Variants in EXT1 observed in about 807,000 individuals in gnomAD.
EXT1 encodes the protein exostosin glycosyltransferase 1, also known as exostosin-1.
A neutral mutation model predicts 82.5 loss-of-function variants in EXT1; 20 were observed. That is an observed-to-expected ratio of 0.24 (90% confidence interval 0.17 to 0.35). The LOEUF is 0.35. EXT1 is among the 10% of genes least tolerant of loss of function. The pLI, the probability that EXT1 is intolerant of heterozygous loss-of-function variation, is 1.00. For missense variants in EXT1, 757 were observed against 936.5 expected (o/e 0.81, Z 2.50); for synonymous variants, 348 against 350.8 (o/e 0.99, Z 0.09).
intron 1 of EXT1, among the ~76,000 whole-genome samples, chr8:117,953,757 C>T (rs1455205849): frequency 1.3e-5 from 2 of 151,762 alleles, no homozygotes; most frequent in African/African-American, 2.4e-5. Context: ...AATAATAATA[C>T]ATACAATGTA....
chr8:118,033,710 G>A (rs1363435796), intron 1 of EXT1, among the ~76,000 whole-genome samples: 1 of 152,134 alleles, frequency 6.6e-6, no homozygotes, highest in Non-Finnish European at 1.5e-5. Context: ...CAACTCCTGG[G>A]CTCAAGCAAT....
At chr8:117,980,692 T>G (rs2514724) in intron 1 of EXT1, among the ~76,000 whole-genome samples, 10 of 24,812 alleles carry the variant, frequency 4.0e-4, no homozygotes, top group East Asian at 7.5e-4. Context: ...TGTTCGGGTG[T>G]TGGTGGTTTT....
chr8:117,858,229 C>T (rs1425517591), intron 1 of EXT1, among the ~76,000 whole-genome samples: 4 of 152,336 alleles, frequency 2.6e-5, no homozygotes, highest in Admixed American at 6.5e-5. Flanking sequence ...AGAGGATTGA[C>T]TCCAACTTTG....
At chr8:118,043,041 T>C (rs1268579478) in intron 1 of EXT1, among the ~76,000 whole-genome samples, 1 of 152,226 alleles carries the variant, frequency 6.6e-6, no homozygotes, top group Non-Finnish European at 1.5e-5. Context: ...GCGTGCTCTA[T>C]GGGACTTCCA....
intron 1 of EXT1, among the ~76,000 whole-genome samples, chr8:118,077,290 T>C (rs764839265): frequency 1.3e-4 from 20 of 152,216 alleles, no homozygotes; most frequent in Non-Finnish European, 1.2e-4. Flanking sequence ...GCCTTCTTCC[T>C]TACTGAGGCA....
chr8:118,070,140 T>C (rs755251518), intron 1 of EXT1, among the ~76,000 whole-genome samples: 1 of 152,168 alleles, frequency 6.6e-6, no homozygotes, highest in Admixed American at 6.6e-5. Flanking sequence ...GGTGCGTTTT[T>C]ACTACAAAAA....
intron 1 of EXT1, among the ~76,000 whole-genome samples, chr8:117,990,390 A>G (rs1215011609): frequency 2.0e-5 from 3 of 152,248 alleles, no homozygotes; most frequent in Admixed American, 2.0e-4. Context: ...CTATAGAACC[A>G]GATTTCACAA....
intron 1 of EXT1, among the ~76,000 whole-genome samples, chr8:117,963,927 C>T (rs1426906659): frequency 6.6e-6 from 1 of 152,140 alleles, no homozygotes; most frequent in Non-Finnish European, 1.5e-5. Context: ...GATTTTATTA[C>T]ATGCAACCCA....
At chr8:117,909,092 G>A (rs533685300) in intron 1 of EXT1, among the ~76,000 whole-genome samples, 10 of 151,624 alleles carry the variant, frequency 6.6e-5, no homozygotes, top group East Asian at 1.9e-4. Context: ...AGATCGGGCC[G>A]TTGGACTCCA....
At chr8:118,004,471 T>C (rs375980320) in intron 1 of EXT1, among the ~76,000 whole-genome samples, 3 of 152,160 alleles carry the variant, frequency 2.0e-5, no homozygotes, top group Non-Finnish European at 4.4e-5. Flanking sequence ...ATAGAAAAAC[T>C]GAAACTTTCT....
intron 1 of EXT1, among the ~76,000 whole-genome samples, chr8:118,103,518 T>C (rs1817759466): frequency 6.6e-6 from 1 of 152,138 alleles, no homozygotes; most frequent in Non-Finnish European, 1.5e-5. Flanking sequence ...CCTGGAGGCA[T>C]TGGGTGTGGT....
chr8:117,888,325 T>C (rs1813183866), intron 1 of EXT1, among the ~76,000 whole-genome samples: 1 of 151,900 alleles, frequency 6.6e-6, no homozygotes. Flanking sequence ...TAATAATAGA[T>C]TAAATAAAAC....
At chr8:117,982,559 C>T (rs747430147) in intron 1 of EXT1, among the ~76,000 whole-genome samples, 3 of 152,208 alleles carry the variant, frequency 2.0e-5, no homozygotes, top group Admixed American at 6.5e-5. Flanking sequence ...GGCACAATCT[C>T]GGCTCACTGC....
rs1817867616 is a variant in EXT1, at chr8:118,110,104, C to T, written c.943G>A (p.Asp315Asn). ...QKHKDSRCDR[D>N]NTEYEKYDYR... ...ACTTACTTCTCATACTCGGTGTTGTCTCTGTCACAGCGAGAATCCTTGTGC... is the reference window on the plus strand; with the variant it reads ...ACTTACTTCTCATACTCGGTGTTGTTTCTGTCACAGCGAGAATCCTTGTGC... The change falls in exon 1 of 11, where the codon GAC (aspartate) becomes AAC (asparagine). Residue 315 changes from aspartate (D) to asparagine (N), a missense_variant. Coordinates refer to ENST00000378204, the MANE Select transcript of EXT1 (RefSeq NM_000127.3). 1 of 1,614,030 alleles carries T rather than the reference C, an allele frequency of 6.2e-7. No homozygotes were observed. The highest frequency in any genetic ancestry group is 1.3e-5 in the African/African-American group (1 of 74,924).
rs776528528 is a variant in EXT1 at position 117,819,784 on chromosome 8, G to A, written c.1428C>T (p.Pro476=). The change falls in exon 6 of 11, where the codon CCC becomes CCT. Residue 476 remains proline (P), a synonymous_variant. Coordinates refer to ENST00000378204, the MANE Select transcript of EXT1 (RefSeq NM_000127.3). ...PYYYANLGLK[P]PSKFTAVIHA... is the part of the protein sequence containing the mutation. ...GGATGACTGCAGTGAATTTGGAGGGGGGCTTTAAACCTGAAATAAAAAGGA... is the reference window on the plus strand; with the variant it reads ...GGATGACTGCAGTGAATTTGGAGGGAGGCTTTAAACCTGAAATAAAAAGGA... 3.1e-6 allele frequency: 5 copies of A among 1,613,306 alleles called. No homozygotes were observed. Among genetic ancestry groups the A allele is most frequent in the Non-Finnish European group, 4.2e-6 (5 of 1,179,876 alleles).
At chr8:117,970,942 G>T (rs927815360) in intron 1 of EXT1, among the ~76,000 whole-genome samples, 3 of 152,098 alleles carry the variant, frequency 2.0e-5, no homozygotes, top group African/African-American at 7.2e-5. Context: ...TTCTCAAGAG[G>T]ATGAGAAATC....
intron 5 of EXT1, among the ~76,000 whole-genome samples, chr8:117,820,765 A>G (rs1044769535): frequency 3.9e-5 from 6 of 152,282 alleles, no homozygotes; most frequent in South Asian, 2.1e-4. Context: ...CAAGTACTCA[A>G]TATATGTCAG....
At chr8:118,103,416 T>G (rs1210423211) in intron 1 of EXT1, among the ~76,000 whole-genome samples, 1 of 152,184 alleles carries the variant, frequency 6.6e-6, no homozygotes, top group Admixed American at 6.5e-5. Flanking sequence ...CCTTCCAAAG[T>G]GCTGGGATTA....
rs778048374 is a variant in EXT1 at position 117,819,708 on chromosome 8, C to G, written c.1504G>C (p.Val502Leu). 3 of 1,612,648 alleles carry G rather than the reference C, an allele frequency of 1.9e-6. No homozygotes were observed. Among genetic ancestry groups the G allele is most frequent in the Non-Finnish European group, 2.5e-6 (3 of 1,180,018 alleles). ...CAGTACTGGGACTTGGCTGCAGCCACGAGAAGCTTCAACACTGGCTGGGAC... is the reference window on the plus strand; with the variant it reads ...CAGTACTGGGACTTGGCTGCAGCCAGGAGAAGCTTCAACACTGGCTGGGAC... ...SQSQPVLKLLVAAAKSQYCAQ... is the reference protein window; with the variant it reads ...SQSQPVLKLLLAAAKSQYCAQ... Residue 502 changes from valine to leucine, a missense_variant, in exon 6 of 11, where the codon GTG becomes CTG. Val to Leu is a conservative substitution (Grantham distance 32). Around this residue, in one of 4 missense-constraint regions of EXT1, gnomAD observed 207 missense variants for 224.2 expected, o/e 0.92. Coordinates refer to ENST00000378204, the MANE Select transcript of EXT1 (RefSeq NM_000127.3).
Sources: gnomAD v4.1 joint callset for allele counts (sites outside exome capture counted in the v4.1 genomes callset) on GRCh38, gnomAD v4.1.1 for gene constraint, gnomAD v4.1.1 regional missense constraint, MANE v1.5 for transcripts, NCBI Gene and HGNC (gene_info 2026-07-23, HGNC 2026-07-21) for gene names.